BCAT2: variants seen among roughly 807,000 people sequenced by gnomAD.
BCAT2 encodes branched chain amino acid transaminase 2, also known as branched-chain-amino-acid aminotransferase, mitochondrial.
A neutral mutation model predicts 52.9 loss-of-function variants in BCAT2; 44 were observed. The ratio of observed to expected loss-of-function variants is 0.83; its 90% confidence interval spans 0.65 to 1.07. The LOEUF is 1.07. Among genes scored for constraint, BCAT2 ranks in the 50% least tolerant of loss-of-function variants. BCAT2 has a pLI of 0.00. For synonymous variants in BCAT2, 215 were observed against 217.1 expected (o/e 0.99, Z 0.08); for missense variants, 478 against 521.8 (o/e 0.92, Z 0.82).
chr19:48,810,727 CAT>C, intron 1 of BCAT2: 1 of 1,125,788 alleles, frequency 8.9e-7, no homozygotes, highest in Non-Finnish European at 1.2e-6. Context: ...GGTCCTCCAC[CAT>C]GTTTCCCTTT....
Position 48,799,669 on chromosome 19 carries a change from A to G in BCAT2, c.695+6T>C, listed in dbSNP as rs1450445214. 1 of 1,569,950 alleles carries G rather than the reference A, an allele frequency of 6.4e-7. No individual in the cohort carries two copies. ...CAGTCGTTCTGGGGATGGGGGTGCT[A>G]CTTACCCACCTAACTTGTAGTTGCC... On this transcript the variant is annotated splice_donor_region_variant and intron_variant, in intron 6 of 10. Transcript: ENST00000316273. This position sits in a 1 kb window ranked among gnomAD's most constrained non-coding sequence, Gnocchi z 5.5.
intron 6 of BCAT2, among the ~76,000 whole-genome samples, chr19:48,797,739 C>T (rs1054595625): frequency 1.3e-5 from 2 of 151,588 alleles, no homozygotes; most frequent in East Asian, 1.9e-4. Flanking sequence ...TGAGCCACCG[C>T]GCCCAGCCCT....
chr19:48,795,915 G>C (rs2034499007), intron 10 of BCAT2: 1 of 261,316 alleles, frequency 3.8e-6, no homozygotes, highest in Admixed American at 4.9e-5. Flanking sequence ...CCAAGGTCCA[G>C]AGGCTCATGG....
At position 48,806,722 on chromosome 19, in the gene BCAT2, G is replaced by A; in HGVS notation, c.100-5C>T. The stretch of plus-strand genomic sequence containing the variant: ...TTCCAGCTGCAGGTCTGCAGCCTGA[G>A]GAAAGACAGGGGTATCCTAGAATCT... On this transcript the variant is annotated splice_polypyrimidine_tract_variant and splice_region_variant and intron_variant, in intron 2 of 10. Coordinates refer to ENST00000316273, the MANE Select transcript of BCAT2 (RefSeq NM_001190.4). The A allele has an allele frequency of 1.9e-6, 3 of 1,612,196 alleles. No homozygotes were observed. Among genetic ancestry groups the A allele is most frequent in the Non-Finnish European group, 8.5e-7 (1 of 1,179,988 alleles).
rs1187667434 is a variant in BCAT2, at chr19:48,796,261, G to A, written c.1140+167C>T. 5.8e-6 allele frequency: 5 copies of A among 859,190 alleles called. No individual in the cohort carries two copies. In the South Asian group the frequency reaches 8.4e-5, roughly 14 times the overall value. 53.2% of individuals were successfully genotyped at this position (859,190 alleles called of 1,614,324 possible). On this transcript the variant is annotated intron_variant, in intron 10 of 10. Transcript: ENST00000316273. ...GATTTAGCCCCAAGGGGTTTTCCAG[G>A]CCACAGAGCAGCACAGAAAGCCCAC...
Position 48,796,713 on chromosome 19 carries a change from C to T in BCAT2, c.930G>A (p.Glu310=), listed in dbSNP as rs759413284. Reference sequence around the variant, plus strand: ...TGATCGTGCGCTCCACCACCCGGAACTCACCCTGCAGGGCAGTTGGCAGAG... The same window carrying T: ...TGATCGTGCGCTCCACCACCCGGAATTCACCCTGCAGGGCAGTTGGCAGAG... ...SLLDMAQTWG[E]FRVVERTITM... The change falls in exon 9 of 11, where the codon GAG becomes GAA. Residue 310 remains glutamate (E), a synonymous_variant. Transcript: ENST00000316273. 5.6e-6 allele frequency: 9 copies of T among 1,611,120 alleles called. No individual in the cohort carries two copies. The African/African-American group carries it at 1.2e-4, about 21-fold the overall frequency.
chr19:48,806,883 C>G, intron 2 of BCAT2, 117 bp downstream of exon 2: 1 of 1,408,334 alleles, frequency 7.1e-7, no homozygotes. Context: ...CAATGGCAGG[C>G]TGTTAAGCTA....
At chr19:48,809,083 AAAAAAAAAAAAAAG>A (rs1323294701) in intron 1 of BCAT2, among the ~76,000 whole-genome samples, 1 of 148,682 alleles carries the variant, frequency 6.7e-6, no homozygotes, top group Non-Finnish European at 1.5e-5. Flanking sequence ...AAAAAAAAAA[AAAAAAAAAAAAAAG>A]ACCAGCATGG....
intron 3 of BCAT2, 142 bp downstream of exon 3, chr19:48,806,375 A>C: frequency 6.7e-6 from 7 of 1,050,398 alleles, no homozygotes; most frequent in Non-Finnish European, 9.6e-6. Context: ...TGGAGCATGG[A>C]AGGCCTCAGA....
chr19:48,799,875 C>T lies in BCAT2; in HGVS notation c.532-37G>A. Reference sequence around the variant, plus strand: ...AAAGGGACAGCGTCAGGAGTCCAGGCCCCCAGTCCCTTCCCGTCCCCAGGC... The same window carrying T: ...AAAGGGACAGCGTCAGGAGTCCAGGTCCCCAGTCCCTTCCCGTCCCCAGGC... On this transcript the variant is annotated intron_variant, in intron 5 of 10. Transcript: ENST00000316273. The surrounding 1 kb of genome is among the most constrained non-coding windows in gnomAD (Gnocchi z 5.5). 2 of 1,577,884 alleles carry T rather than the reference C, an allele frequency of 1.3e-6. No individual in the cohort carries two copies. Among genetic ancestry groups the T allele is most frequent in the Non-Finnish European group, 1.7e-6 (2 of 1,162,784 alleles).
rs764611365 is a variant in BCAT2, at chr19:48,795,435, G to A, written c.1170C>T (p.Phe390=). 7 of 1,614,026 alleles carry A rather than the reference G, an allele frequency of 4.3e-6. No individual in the cohort carries two copies. ...AGCACAGCCTGCAGCTTCACACCGG[G>A]AACATCCACTCGTGGGCTCTGATTC... ...QYGIRAHEWM[F]PV Residue 390 remains phenylalanine (F), a synonymous_variant, in exon 11 of 11, where the codon TTC becomes TTT. Transcript: ENST00000316273.
rs771163060 is a variant in BCAT2, at chr19:48,797,222, G to A, written c.807C>T (p.Asn269=). Residue 269 remains asparagine, a synonymous_variant, in exon 7 of 11, where the codon AAC becomes AAT. Transcript: ENST00000316273. The part of the protein sequence containing the change: ...DHQLTEVGTM[N]IFVYWTHEDG... ...CTTCGTGGGTCCAGTAGACAAAGAT[G>A]TTCATGGTTCCCACCTCGGTGAGCT... is the stretch of plus-strand genomic sequence containing the variant. 1 of 1,613,974 alleles carries A rather than the reference G, an allele frequency of 6.2e-7. No homozygotes were observed. Among genetic ancestry groups the A allele is most frequent in the Non-Finnish European group, 8.5e-7 (1 of 1,179,946 alleles).
intron 3 of BCAT2, among the ~76,000 whole-genome samples, chr19:48,801,889 G>A (rs148217230): frequency 1.4e-4 from 21 of 150,822 alleles, no homozygotes; most frequent in South Asian, 4.2e-4. Flanking sequence ...CGCCCACCTC[G>A]GCCTCCCAAA....
chr19:48,810,922 C>T, intron 1 of BCAT2, 62 bp downstream of exon 1: 4 of 1,583,960 alleles, frequency 2.5e-6, no homozygotes, highest in Non-Finnish European at 3.4e-6. Context: ...GGCCAGTGGT[C>T]TTCCCGGAAG....
chr19:48,807,092 T>A lies in BCAT2; in HGVS notation c.25-18A>T, dbSNP rs957947793. ...GCCCAGATCTGGGTGGAGAAAGAAG[T>A]GAGAGAGGGGGTGAGTGGGGCACAG... On this transcript the variant is annotated intron_variant, in intron 1 of 10. Coordinates refer to ENST00000316273, the MANE Select transcript of BCAT2 (RefSeq NM_001190.4). The surrounding 1 kb of genome is among the most constrained non-coding windows in gnomAD (Gnocchi z 4.6). 4 of 1,607,828 alleles carry A rather than the reference T, an allele frequency of 2.5e-6. No homozygotes were observed. In the East Asian group the frequency reaches 8.9e-5, roughly 36 times the overall value.
chr19:48,796,356 C>G, intron 10 of BCAT2, 72 bp downstream of exon 10: 2 of 1,578,304 alleles, frequency 1.3e-6, no homozygotes, highest in Non-Finnish European at 1.7e-6. Flanking sequence ...GCTGTTAGTC[C>G]AGGGGCTCAT....
At chr19:48,808,334 A>G in intron 1 of BCAT2, 1 of 875,414 alleles carries the variant, frequency 1.1e-6, no homozygotes, top group Non-Finnish European at 1.4e-6. Flanking sequence ...CCAAGATGAA[A>G]AAAAGAGAGT....
At position 48,796,932 on chromosome 19, in the gene BCAT2, C is replaced by T; in HGVS notation, c.924+5G>A. 6.2e-7 allele frequency: 1 copy of T among 1,614,154 alleles called. No homozygotes were observed. The highest frequency in any genetic ancestry group is 1.1e-5 in the South Asian group (1 of 91,088). The stretch of plus-strand genomic sequence containing the variant: ...GCCCATCACCAGAAGATGCCATGTC[C>T]TCACCCAGGTCTGAGCCATGTCCAG... On this transcript the variant is annotated splice_donor_5th_base_variant and intron_variant, in intron 8 of 10. Coordinates refer to ENST00000316273, the MANE Select transcript of BCAT2 (RefSeq NM_001190.4).
chr19:48,801,753 C>T (rs1487636409), intron 3 of BCAT2, among the ~76,000 whole-genome samples: 1 of 152,028 alleles, frequency 6.6e-6, no homozygotes, highest in East Asian at 1.9e-4. Context: ...TCTTTTGCCT[C>T]AACCTCCCAA....
Sources: gnomAD v4.1 joint callset for allele counts (sites outside exome capture counted in the v4.1 genomes callset) on GRCh38, gnomAD v4.1.1 for gene constraint, Gnocchi (gnomAD v3.1) non-coding constraint, MANE v1.5 for transcripts, NCBI Gene and HGNC (gene_info 2026-07-23, HGNC 2026-07-21) for gene names.